The following LAPTM4B variants were observed in gnomAD, a reference collection of about 807,000 sequenced individuals.
LAPTM4B encodes lysosomal-associated transmembrane protein 4B.
LAPTM4B carries 26 observed loss-of-function variants against 28.5 expected under a neutral mutation model. That is an observed-to-expected ratio of 0.91 (90% CI 0.67 to 1.27). The LOEUF (loss-of-function observed/expected upper bound fraction) is 1.27. Ranked by LOEUF, LAPTM4B falls within the 50% of genes most tolerant of loss-of-function variation. LAPTM4B has a pLI of 0.00. For synonymous variants in LAPTM4B, 109 were observed against 106.4 expected (o/e 1.02, Z -0.15); for missense variants, 288 against 285.8 (o/e 1.01, Z -0.06).
At chr8:97,787,550 C>T (rs1168571285) in intron 1 of LAPTM4B, among the ~76,000 whole-genome samples, 2 of 152,194 alleles carry the variant, frequency 1.3e-5, no homozygotes, top group Non-Finnish European at 2.9e-5. Context: ...TCCCAAAGTG[C>T]TGGGATTACA....
In LAPTM4B at chr8:97,832,728, A is replaced by G. The variant is rs1165148765; in HGVS notation, c.603+7575A>G. Reference sequence around the variant, plus strand: ...TTTTATTTTATTTTATTTTTTTGAGACAGAGTCTTGCTCTGTCATCAAGGC... The same window carrying G: ...TTTTATTTTATTTTATTTTTTTGAGGCAGAGTCTTGCTCTGTCATCAAGGC... On this transcript the variant is annotated intron_variant, in intron 6 of 6. Coordinates refer to ENST00000521545, the MANE Select transcript of LAPTM4B (RefSeq NM_018407.6). 6.0e-5 allele frequency among the ~76,000 whole-genome samples: 8 copies of G among 133,822 alleles called. No homozygotes were observed. In the East Asian group the frequency reaches 1.6e-3, roughly 27 times the overall value. 87.8% of individuals were successfully genotyped at this position (133,822 alleles called of 152,430 possible).
At chr8:97,805,611 C>T in intron 2 of LAPTM4B, 147 bp downstream of exon 2, 1 of 625,958 alleles carries the variant, frequency 1.6e-6, no homozygotes, top group Non-Finnish European at 2.9e-6. Flanking sequence ...GTGCGTCTAA[C>T]ATTCTGTCTT....
Position 97,815,309 on chromosome 8 carries a change from C to A in LAPTM4B, c.212-19C>A, listed in dbSNP as rs1430266279. 1.3e-6 allele frequency: 2 copies of A among 1,597,168 alleles called. No homozygotes were observed. The highest frequency in any genetic ancestry group is 1.7e-6 in the Non-Finnish European group (2 of 1,165,780). On this transcript the variant is annotated intron_variant, in intron 2 of 6. Transcript: ENST00000521545. ...ACTGATTGTCTTTTTTAAAGAAATTCTTTTTAATCTTTCGGCAGACATGTG... is the reference window on the plus strand; with the variant it reads ...ACTGATTGTCTTTTTTAAAGAAATTATTTTTAATCTTTCGGCAGACATGTG...
In LAPTM4B at chr8:97,851,428, T is replaced by C. The variant is rs767414472; in HGVS notation, c.635T>C (p.Val212Ala). 4.4e-5 allele frequency: 71 copies of C among 1,614,056 alleles called. No individual in the cohort carries two copies. Among genetic ancestry groups the C allele is most frequent in the Non-Finnish European group, 5.4e-5 (64 of 1,180,038 alleles). ...VLLPPYDDAT[V>A]NGAAKEPPPP... Reference sequence around the variant, plus strand: ...CTACCCCCGTATGATGATGCCACTGTGAATGGTGCTGCCAAGGAGCCACCG... The same window carrying C: ...CTACCCCCGTATGATGATGCCACTGCGAATGGTGCTGCCAAGGAGCCACCG... Residue 212 changes from valine (V) to alanine (A), a missense_variant, in exon 7 of 7, where the codon GTG (valine) becomes GCG (alanine). Physicochemically the swap from Val to Ala is moderately conservative, Grantham distance 64 (BLOSUM62 0). Coordinates refer to ENST00000521545, the MANE Select transcript of LAPTM4B (RefSeq NM_018407.6).
At chr8:97,837,558 C>A (rs1228669439) in intron 6 of LAPTM4B, among the ~76,000 whole-genome samples, 1 of 151,170 alleles carries the variant, frequency 6.6e-6, no homozygotes, top group South Asian at 2.1e-4. Flanking sequence ...TTTTTTTTTC[C>A]CTTCATAAAA....
intron 1 of LAPTM4B, among the ~76,000 whole-genome samples, chr8:97,789,948 C>G (rs906197898): frequency 2.0e-5 from 3 of 152,212 alleles, no homozygotes; most frequent in African/African-American, 7.2e-5. Flanking sequence ...TTAGCTCCCA[C>G]AAATATGTGA....
intron 6 of LAPTM4B, among the ~76,000 whole-genome samples, chr8:97,828,744 A>T (rs1358467705): frequency 6.6e-6 from 1 of 152,214 alleles, no homozygotes; most frequent in African/African-American, 2.4e-5. Flanking sequence ...AAAGTGAGTT[A>T]TATCGGTAAG....
intron 6 of LAPTM4B, among the ~76,000 whole-genome samples, chr8:97,829,672 T>C (rs1817149453): frequency 6.6e-6 from 1 of 151,450 alleles, no homozygotes; most frequent in African/African-American, 2.4e-5. Context: ...GGGGAGTTTT[T>C]GCTGAATTTT....
chr8:97,847,061 C>T (rs940998276), intron 6 of LAPTM4B, among the ~76,000 whole-genome samples: 4 of 152,156 alleles, frequency 2.6e-5, no homozygotes, highest in African/African-American at 9.7e-5. Context: ...GAGTTTCTTT[C>T]CCACATGTTA....
rs111813015 is a variant in LAPTM4B at position 97,799,420 on chromosome 8, A to G, written c.100-5933A>G. 4.9e-4 allele frequency among the ~76,000 whole-genome samples: 74 copies of G among 152,340 alleles called. 1 individual carries two copies. Among genetic ancestry groups the G allele is most frequent in the African/African-American group, 1.8e-3 (73 of 41,592 alleles). On this transcript the variant is annotated intron_variant, in intron 1 of 6. Transcript: ENST00000521545. ...ACCAGAAACAAAGAACTAAAAGCAG[A>G]TGAGTCGTTTCAAAGGGACTTTTCT... is the stretch of plus-strand genomic sequence containing the variant.
chr8:97,825,605 A>G (rs867719959), intron 6 of LAPTM4B, among the ~76,000 whole-genome samples: 20 of 152,228 alleles, frequency 1.3e-4, no homozygotes, highest in Admixed American at 3.3e-4. Flanking sequence ...TATCTTATGT[A>G]TGTATTCTTA....
At chr8:97,805,604 C>T (rs1328490850) in intron 2 of LAPTM4B, 140 bp downstream of exon 2, 9 of 627,910 alleles carry the variant, frequency 1.4e-5, no homozygotes, top group Middle Eastern at 2.7e-4. Flanking sequence ...TATTTGTGTG[C>T]GTCTAACATT....
intron 1 of LAPTM4B, among the ~76,000 whole-genome samples, chr8:97,796,667 C>T (rs1224886619): frequency 6.6e-6 from 1 of 152,176 alleles, no homozygotes; most frequent in African/African-American, 2.4e-5. Flanking sequence ...CGTCCGGGCG[C>T]AGTGACTCAT....
chr8:97,790,235 G>A (rs900668318), intron 1 of LAPTM4B, among the ~76,000 whole-genome samples: 3 of 151,708 alleles, frequency 2.0e-5, no homozygotes, highest in African/African-American at 7.3e-5. Flanking sequence ...ATACCTAGGT[G>A]TGGGATTGCT....
intron 6 of LAPTM4B, among the ~76,000 whole-genome samples, chr8:97,850,338 C>T (rs1260973047): frequency 6.6e-6 from 1 of 151,740 alleles, no homozygotes; most frequent in Admixed American, 6.6e-5. Flanking sequence ...ACTCCGCAAA[C>T]ATCTGAGTTC....
At chr8:97,814,399 A>G (rs1816870551) in intron 2 of LAPTM4B, among the ~76,000 whole-genome samples, 1 of 152,022 alleles carries the variant, frequency 6.6e-6, no homozygotes, top group Non-Finnish European at 1.5e-5. Context: ...TCAGGTACCT[A>G]GGGGGTGAGG....
chr8:97,784,988 G>T, intron 1 of LAPTM4B, among the ~76,000 whole-genome samples: 1 of 152,156 alleles, frequency 6.6e-6, no homozygotes, highest in East Asian at 1.9e-4. Flanking sequence ...GATTTTTAAA[G>T]TACAGGTTTC....
intron 1 of LAPTM4B, among the ~76,000 whole-genome samples, chr8:97,796,538 A>T (rs1036702399): frequency 6.6e-6 from 1 of 152,198 alleles, no homozygotes; most frequent in African/African-American, 2.4e-5. Context: ...TGCTTACATT[A>T]TGCTTACATT....
At chr8:97,818,036 C>T (rs2129796728) in intron 4 of LAPTM4B, among the ~76,000 whole-genome samples, 1 of 152,292 alleles carries the variant, frequency 6.6e-6, no homozygotes, top group African/African-American at 2.4e-5. Flanking sequence ...TGGTCTCAAA[C>T]ACCTGCACTC....
Sources: allele counts gnomAD v4.1 joint callset (sites outside exome capture counted in the v4.1 genomes callset), GRCh38; gene constraint gnomAD v4.1.1; transcripts MANE v1.5; gene names NCBI Gene and HGNC (gene_info 2026-07-23, HGNC 2026-07-21).